CDKAL1: variants seen among roughly 807,000 people sequenced by gnomAD.
CDKAL1 encodes the protein CDKAL1 threonylcarbamoyladenosine tRNA methylthiotransferase, also known as threonylcarbamoyladenosine tRNA methylthiotransferase.
CDKAL1 carries 32 observed loss-of-function variants against 68.2 expected under a neutral mutation model. The ratio of observed to expected loss-of-function variants is 0.47; its 90% confidence interval spans 0.35 to 0.63. The LOEUF (loss-of-function observed/expected upper bound fraction) is 0.63, where lower values mean the gene tolerates loss of function less well. Ranked by LOEUF, CDKAL1 falls within the 30% of genes least tolerant of loss-of-function variation. CDKAL1 has a pLI of 0.00. For missense variants in CDKAL1, 606 were observed against 696.7 expected, an observed-to-expected ratio of 0.87 and a Z score of 1.47; for synonymous variants, 234 against 244.3, an observed-to-expected ratio of 0.96 and a Z score of 0.39.
At chr6:21,121,181 T>A (rs1408717157) in intron 13 of CDKAL1, among the ~76,000 whole-genome samples, 1 of 152,208 alleles carries the variant, frequency 6.6e-6, no homozygotes, top group Non-Finnish European at 1.5e-5. Context: ...ATAGTTTTAA[T>A]TTATATTTCT....
At chr6:21,187,519 C>T (rs187296039) in intron 13 of CDKAL1, among the ~76,000 whole-genome samples, 45 of 152,312 alleles carry the variant, frequency 3.0e-4, no homozygotes, top group Admixed American at 2.0e-3. Context: ...AAGCGTCCTG[C>T]ATACCACACC....
intron 12 of CDKAL1, among the ~76,000 whole-genome samples, chr6:21,094,475 G>T (rs1487028908): frequency 6.6e-6 from 1 of 152,056 alleles, no homozygotes; most frequent in Non-Finnish European, 1.5e-5. Context: ...TAACAGAGTT[G>T]CTAAAAACAA....
At chr6:20,814,616 A>G (rs1302242086) in intron 8 of CDKAL1, among the ~76,000 whole-genome samples, 2 of 152,214 alleles carry the variant, frequency 1.3e-5, no homozygotes, top group Non-Finnish European at 2.9e-5. Flanking sequence ...TTATGCAGCT[A>G]TTGAACAGCT....
intron 5 of CDKAL1, among the ~76,000 whole-genome samples, chr6:20,671,715 T>C (rs1021697705): frequency 2.0e-5 from 3 of 152,194 alleles, no homozygotes; most frequent in Non-Finnish European, 4.4e-5. Flanking sequence ...TAGTGCTCTT[T>C]TATTTTTTTT....
chr6:20,575,319 T>G (rs997052691), intron 4 of CDKAL1, among the ~76,000 whole-genome samples: 7 of 151,968 alleles, frequency 4.6e-5, no homozygotes, highest in Non-Finnish European at 1.0e-4. Flanking sequence ...ATCATTGCTG[T>G]AGCTTTCTTT....
At position 20,662,135 on chromosome 6, in the gene CDKAL1, A is replaced by G. The variant is rs142825871; in HGVS notation, c.371+12758A>G. On this transcript the variant is annotated intron_variant, in intron 5 of 15. Coordinates refer to ENST00000274695, the MANE Select transcript of CDKAL1 (RefSeq NM_017774.3). The stretch of plus-strand genomic sequence containing the variant: ...TCCCTTATTGTTTGCTCTAAGAGTG[A>G]CAAACATAATCTTTCATAATTTTTA... Among the ~76,000 whole-genome samples, 10 of 152,296 alleles carry G rather than the reference A, an allele frequency of 6.6e-5. No individual in the cohort carries two copies. In the East Asian group the frequency reaches 1.9e-3, roughly 29 times the overall value.
chr6:20,630,491 G>C (rs1767628470), intron 4 of CDKAL1, among the ~76,000 whole-genome samples: 2 of 78,486 alleles, frequency 2.5e-5, no homozygotes, highest in African/African-American at 1.3e-4. Flanking sequence ...CCTGTTGTTT[G>C]CTTTTTCACC....
intron 10 of CDKAL1, among the ~76,000 whole-genome samples, chr6:20,980,234 T>TATAG (rs1453555532): frequency 6.0e-4 from 73 of 122,306 alleles, no homozygotes; most frequent in African/African-American, 2.1e-3. Flanking sequence ...TAGATATAGA[T>TATAG]ATATAGATAT....
chr6:20,613,266 T>C (rs1264781243), intron 4 of CDKAL1, among the ~76,000 whole-genome samples: 7 of 20,074 alleles, frequency 3.5e-4, no homozygotes, highest in Non-Finnish European at 5.4e-4. Context: ...TTTTTTTTTT[T>C]TTTTTTTTTT....
At chr6:20,770,251 G>A (rs1241157348) in intron 7 of CDKAL1, among the ~76,000 whole-genome samples, 3 of 151,826 alleles carry the variant, frequency 2.0e-5, no homozygotes, top group African/African-American at 4.8e-5. Context: ...GTGAGTGAAC[G>A]TATTCCCTAA....
At position 20,951,957 on chromosome 6, in the gene CDKAL1, C is replaced by CT. The variant is rs10558500; in HGVS notation, c.743-3443dup. Among the ~76,000 whole-genome samples, 23 of 91,782 alleles carry CT rather than the reference C, an allele frequency of 2.5e-4. 1 individual carries two copies. Among genetic ancestry groups the CT allele is most frequent in the South Asian group, 1.6e-3 (4 of 2,438 alleles). The allele number at this position is 91,782 out of a possible 152,430, so 60.2% of individuals were successfully genotyped here. A position where few individuals can be genotyped will look rare whatever the true frequency, so the allele number is the denominator to read the frequency against. The stretch of plus-strand genomic sequence containing the variant: ...CCTGCTTTTATCTCTTTTTCATTTT[C>CT]TTTTTTTTTTTTTTTTTTTGAGACG... On this transcript the variant is annotated intron_variant, in intron 9 of 15. Transcript: ENST00000274695.
At position 20,983,981 on chromosome 6, in the gene CDKAL1, G is replaced by A. The variant is rs112176017; in HGVS notation, c.910-16246G>A. Among the ~76,000 whole-genome samples the A allele has an allele frequency of 6.5e-3, 994 of 152,258 alleles. 3 individuals are homozygous for A. Among genetic ancestry groups the A allele is most frequent in the Non-Finnish European group, 0.01 (699 of 68,024 alleles). On this transcript the variant is annotated intron_variant, in intron 10 of 15. Coordinates refer to ENST00000274695, the MANE Select transcript of CDKAL1 (RefSeq NM_017774.3). ...GAGAGACATTTGATTGAGCAATGTC[G>A]AGGGCACTGGGTTTATATTCCATTG...
intron 9 of CDKAL1, among the ~76,000 whole-genome samples, chr6:20,924,239 AC>A (rs1422248094): frequency 1.3e-5 from 2 of 149,128 alleles, no homozygotes; most frequent in Non-Finnish European, 3.0e-5. Flanking sequence ...GGTGGTGTGT[AC>A]CCATAGACCT....
Position 20,589,212 on chromosome 6 carries a change from T to C in CDKAL1, c.286+40507T>C, listed in dbSNP as rs544633613. Among the ~76,000 whole-genome samples, 41 of 152,300 alleles carry C rather than the reference T, an allele frequency of 2.7e-4. 1 individual carries two copies. The highest frequency in any genetic ancestry group is 9.4e-4 in the African/African-American group (39 of 41,572). Reference sequence around the variant, plus strand: ...ATATCATTGATTAGAACCATTAAAATACTAAAGATACTAGTAAAGAAAAAG... The same window carrying C: ...ATATCATTGATTAGAACCATTAAAACACTAAAGATACTAGTAAAGAAAAAG... On this transcript the variant is annotated intron_variant, in intron 4 of 15. Transcript: ENST00000274695.
At chr6:21,001,502 A>G (rs1173425628) in intron 11 of CDKAL1, among the ~76,000 whole-genome samples, 1 of 151,922 alleles carries the variant, frequency 6.6e-6, no homozygotes, top group Non-Finnish European at 1.5e-5. Flanking sequence ...AAAGCTACTT[A>G]GTGTACATTC....
At chr6:20,800,593 C>G (rs1186568770) in intron 8 of CDKAL1, 1 of 152,236 alleles carries the variant, frequency 6.6e-6, no homozygotes, top group Non-Finnish European at 1.5e-5. Flanking sequence ...TTGATACTTA[C>G]TAGGAATTTT....
At chr6:20,644,369 G>A (rs1315830138) in intron 4 of CDKAL1, among the ~76,000 whole-genome samples, 1 of 152,054 alleles carries the variant, frequency 6.6e-6, no homozygotes, top group Non-Finnish European at 1.5e-5. Context: ...AAAACTGATA[G>A]AGTTCAGAAA....
chr6:20,813,908 ATTAT>A (rs1272313203), intron 8 of CDKAL1, among the ~76,000 whole-genome samples: 1 of 151,924 alleles, frequency 6.6e-6, no homozygotes, highest in Non-Finnish European at 1.5e-5. Flanking sequence ...AATATTATAA[ATTAT>A]TTACATTTCT....
At chr6:20,568,689 C>A (rs1414959587) in intron 4 of CDKAL1, among the ~76,000 whole-genome samples, 2 of 148,300 alleles carry the variant, frequency 1.3e-5, no homozygotes, top group Non-Finnish European at 3.0e-5. Context: ...GAGCCGAGAT[C>A]GCGCCACTGC....
Sources: allele counts gnomAD v4.1 joint callset (sites outside exome capture counted in the v4.1 genomes callset), GRCh38; gene constraint gnomAD v4.1.1; transcripts MANE v1.5; gene names NCBI Gene and HGNC (gene_info 2026-07-23, HGNC 2026-07-21).